The following KHDRBS2 variants were observed in gnomAD, a reference collection of about 807,000 sequenced individuals.
The protein encoded by KHDRBS2 is KH domain-containing, RNA-binding, signal transduction-associated protein 2.
A neutral mutation model predicts 44.3 loss-of-function variants in KHDRBS2; 26 were observed. That is an observed-to-expected ratio of 0.59 (90% CI 0.43 to 0.81). The LOEUF is 0.81. Ranked by LOEUF, KHDRBS2 falls within the 40% of genes least tolerant of loss-of-function variation. KHDRBS2 has a pLI of 0.00. For synonymous variants in KHDRBS2, 194 were observed against 151.1 expected (o/e 1.28, Z -2.08); for missense variants, 476 against 433.1 (o/e 1.10, Z -0.88).
At chr6:62,177,840 A>C (rs1192357593) in intron 1 of KHDRBS2, among the ~76,000 whole-genome samples, 3 of 151,596 alleles carry the variant, frequency 2.0e-5, no homozygotes, top group Non-Finnish European at 4.4e-5. Flanking sequence ...CATATAAATG[A>C]TTAAATCTAT....
intron 2 of KHDRBS2, among the ~76,000 whole-genome samples, chr6:62,065,757 C>T (rs1264352270): frequency 6.8e-6 from 1 of 146,348 alleles, no homozygotes; most frequent in East Asian, 2.0e-4. Flanking sequence ...ACAATGTGCA[C>T]ATGTACCCTA....
chr6:61,851,206 T>G (rs960283924), intron 6 of KHDRBS2, among the ~76,000 whole-genome samples: 3 of 152,074 alleles, frequency 2.0e-5, no homozygotes. Context: ...AAAATATATA[T>G]ATACACACAC....
chr6:62,026,883 T>G (rs1451034151), intron 3 of KHDRBS2, among the ~76,000 whole-genome samples: 1 of 152,152 alleles, frequency 6.6e-6, no homozygotes, highest in Non-Finnish European at 1.5e-5. Flanking sequence ...CCTAATTTTT[T>G]TTATTAGTGT....
intron 1 of KHDRBS2, among the ~76,000 whole-genome samples, chr6:62,283,571 A>G (rs1486811763): frequency 2.0e-5 from 3 of 152,084 alleles, no homozygotes; most frequent in African/African-American, 7.2e-5. Context: ...CTTCTTTCCA[A>G]ATGAATATCT....
chr6:61,624,311 ACC>A, the KHDRBS2 span, among the ~76,000 whole-genome samples: 4 of 152,268 alleles, frequency 2.6e-5, no homozygotes, highest in South Asian at 4.1e-4. Flanking sequence ...TGGCCACTTA[ACC>A]AAGGCTTATC....
chr6:62,060,617 C>G (rs896924458), intron 2 of KHDRBS2, among the ~76,000 whole-genome samples: 6 of 148,040 alleles, frequency 4.1e-5, no homozygotes, highest in East Asian at 2.0e-4. Context: ...CTGTCTCTCT[C>G]TCTCTCTCTC....
At chr6:61,848,541 G>GTA (rs1194853801) in intron 6 of KHDRBS2, among the ~76,000 whole-genome samples, 2,504 of 33,178 alleles carry the variant, frequency 0.075, 412 homozygotes, top group African/African-American at 0.37. Flanking sequence ...ACATATATAT[G>GTA]TATATATATA....
At chr6:61,697,812 A>G (rs1768085712) in intron 7 of KHDRBS2, among the ~76,000 whole-genome samples, 1 of 151,956 alleles carries the variant, frequency 6.6e-6, no homozygotes, top group African/African-American at 2.4e-5. Context: ...TTCTTACTCA[A>G]AGGAAACTCT....
At chr6:61,958,315 G>A (rs1767884467) in intron 4 of KHDRBS2, among the ~76,000 whole-genome samples, 1 of 152,086 alleles carries the variant, frequency 6.6e-6, no homozygotes, top group Non-Finnish European at 1.5e-5. Flanking sequence ...GGGTCAAGAA[G>A]AAGAGGAGTA....
At chr6:62,091,782 G>C (rs931424072) in intron 2 of KHDRBS2, among the ~76,000 whole-genome samples, 3 of 152,122 alleles carry the variant, frequency 2.0e-5, no homozygotes, top group African/African-American at 7.2e-5. Flanking sequence ...TGAGTCCTTG[G>C]ACAAATTACT....
intron 4 of KHDRBS2, among the ~76,000 whole-genome samples, chr6:61,960,852 G>C (rs1187098149): frequency 1.3e-5 from 2 of 152,088 alleles, no homozygotes; most frequent in Admixed American, 6.6e-5. Flanking sequence ...ATCTCGTTCA[G>C]GGTAAGATGA....
chr6:61,577,434 C>A, the KHDRBS2 span, among the ~76,000 whole-genome samples: 1 of 152,148 alleles, frequency 6.6e-6, no homozygotes, highest in Non-Finnish European at 1.5e-5. Context: ...CAGAGACATT[C>A]ACAATGCTAT....
At chr6:61,927,168 C>T (rs1228054265) in intron 4 of KHDRBS2, among the ~76,000 whole-genome samples, 3 of 151,664 alleles carry the variant, frequency 2.0e-5, no homozygotes, top group Non-Finnish European at 4.4e-5. Context: ...GTAACAACAA[C>T]AACAATAATA....
intron 6 of KHDRBS2, among the ~76,000 whole-genome samples, chr6:61,811,100 CT>C (rs1788045880): frequency 6.6e-6 from 1 of 151,976 alleles, no homozygotes; most frequent in Non-Finnish European, 1.5e-5. Context: ...TGTTTCAGCC[CT>C]TTCCCCCTCC....
downstream of KHDRBS2, among the ~76,000 whole-genome samples, chr6:61,675,987 G>T (rs1454010279): frequency 3.3e-5 from 5 of 151,742 alleles, no homozygotes; most frequent in East Asian, 7.8e-4. Context: ...GCATGAGGTG[G>T]ATGTCAGACA....
Position 61,916,578 on chromosome 6 carries a change from C to T in KHDRBS2, c.484-15207G>A, listed in dbSNP as rs74396443. The stretch of plus-strand genomic sequence containing the variant: ...TGAATTTTTAAATGTATCTGGATTT[C>T]AAGAGAATGAGAAGACAAGCCACAG... On this transcript the variant is annotated intron_variant, in intron 4 of 8. Transcript: ENST00000281156. 1.3e-4 allele frequency among the ~76,000 whole-genome samples: 20 copies of T among 151,924 alleles called. 1 individual carries two copies. In the East Asian group the frequency reaches 3.9e-3, roughly 29 times the overall value.
At chr6:61,941,815 A>G (rs1331017626) in intron 4 of KHDRBS2, among the ~76,000 whole-genome samples, 1 of 152,232 alleles carries the variant, frequency 6.6e-6, no homozygotes, top group Non-Finnish European at 1.5e-5. Context: ...CTGTTACACC[A>G]GATGTGCAGA....
chr6:62,240,663 T>TGC, intron 1 of KHDRBS2, among the ~76,000 whole-genome samples: 1 of 59,232 alleles, frequency 1.7e-5, no homozygotes, highest in Non-Finnish European at 3.8e-5. Flanking sequence ...TGTGTATGTA[T>TGC]GTGTGTGTGT....
chr6:61,624,272 G>T, the KHDRBS2 span, among the ~76,000 whole-genome samples: 1 of 152,264 alleles, frequency 6.6e-6, no homozygotes, highest in African/African-American at 2.4e-5. Context: ...TAGCCACAGT[G>T]GCCTAGATGT....
Sources: gnomAD v4.1 joint callset for allele counts (sites outside exome capture counted in the v4.1 genomes callset) on GRCh38, gnomAD v4.1.1 for gene constraint, MANE v1.5 for transcripts, NCBI Gene and HGNC (gene_info 2026-07-23, HGNC 2026-07-21) for gene names.